Variants in DLGAP2 observed in about 807,000 individuals in gnomAD.
DLGAP2 encodes the protein DLG associated protein 2.
A neutral mutation model predicts 100.3 loss-of-function variants in DLGAP2; 26 were observed. That is an observed-to-expected ratio of 0.26 (90% CI 0.19 to 0.36). The LOEUF (loss-of-function observed/expected upper bound fraction) is 0.36, where lower values mean the gene tolerates loss of function less well. Ranked by LOEUF, DLGAP2 falls within the 10% of genes least tolerant of loss-of-function variation. The probability of loss-of-function intolerance (pLI) is 1.00; values close to 1 mark genes in which losing one functional copy is unlikely to be tolerated. For missense variants in DLGAP2, 1,858 were observed against 1,453.2 expected, an observed-to-expected ratio of 1.28 and a Z score of -4.53; for synonymous variants, 886 against 630.1, an observed-to-expected ratio of 1.41 and a Z score of -6.08.
intron 3 of DLGAP2, among the ~76,000 whole-genome samples, chr8:1,282,371 A>G (rs1422258514): frequency 4.6e-5 from 6 of 131,806 alleles, no homozygotes; most frequent in Non-Finnish European, 9.6e-5. Context: ...TGTGACCTGA[A>G]CCCAGCACCT....
chr8:1,024,361 CG>C, intron 2 of DLGAP2, among the ~76,000 whole-genome samples: 1 of 149,218 alleles, frequency 6.7e-6, no homozygotes, highest in Admixed American at 6.6e-5. Flanking sequence ...AGTCCCGTGC[CG>C]AGGCAGACAC....
At chr8:1,422,740 C>T (rs916627001) in intron 3 of DLGAP2, among the ~76,000 whole-genome samples, 1 of 149,580 alleles carries the variant, frequency 6.7e-6, no homozygotes, top group African/African-American at 2.4e-5. Flanking sequence ...TGAGACCAGC[C>T]AGGATTGGGG....
At chr8:1,588,307 A>G (rs1002566684) in intron 6 of DLGAP2, among the ~76,000 whole-genome samples, 1 of 152,192 alleles carries the variant, frequency 6.6e-6, no homozygotes, top group Non-Finnish European at 1.5e-5. Context: ...TGAAGAGAAC[A>G]GAGCAAAAAA....
intron 3 of DLGAP2, among the ~76,000 whole-genome samples, chr8:1,442,681 C>G (rs924042527): frequency 6.7e-6 from 1 of 148,322 alleles, no homozygotes; most frequent in African/African-American, 2.5e-5. Context: ...ACCCGCCAGG[C>G]TGCTGTGGGT....
At chr8:1,284,967 A>G (rs779854160) in intron 3 of DLGAP2, among the ~76,000 whole-genome samples, 7 of 152,226 alleles carry the variant, frequency 4.6e-5, no homozygotes, top group African/African-American at 9.6e-5. Flanking sequence ...TTAGGGCTCA[A>G]AGCCAGCAAA....
chr8:1,190,295 C>T (rs796793931), intron 2 of DLGAP2, among the ~76,000 whole-genome samples: 3 of 152,340 alleles, frequency 2.0e-5, no homozygotes, highest in African/African-American at 7.2e-5. Flanking sequence ...ACGTGCCCTC[C>T]ATCTCCTCTG....
intron 6 of DLGAP2, among the ~76,000 whole-genome samples, chr8:1,603,722 C>T (rs1368398076): frequency 6.6e-6 from 1 of 152,084 alleles, no homozygotes; most frequent in Non-Finnish European, 1.5e-5. Flanking sequence ...GCATCCAGCT[C>T]ATAGTAGTTG....
chr8:745,969 G>A (rs1318977025), intron 1 of DLGAP2, among the ~76,000 whole-genome samples: 4 of 152,164 alleles, frequency 2.6e-5, no homozygotes, highest in East Asian at 3.9e-4. Context: ...ATGGGGGTCC[G>A]CACCACCCCT....
At chr8:1,160,526 C>G (rs558980264) in intron 2 of DLGAP2, among the ~76,000 whole-genome samples, 3 of 152,166 alleles carry the variant, frequency 2.0e-5, no homozygotes, top group African/African-American at 7.2e-5. Flanking sequence ...AGGACGTGGT[C>G]CACGTGTTTT....
chr8:1,381,608 C>T (rs1037275355), intron 3 of DLGAP2, among the ~76,000 whole-genome samples: 1 of 152,192 alleles, frequency 6.6e-6, no homozygotes, highest in African/African-American at 2.4e-5. Flanking sequence ...GGCGCCCACT[C>T]TTCTACTCTG....
intron 2 of DLGAP2, among the ~76,000 whole-genome samples, chr8:1,153,700 A>T (rs904729960): frequency 1.3e-5 from 2 of 152,220 alleles, no homozygotes; most frequent in African/African-American, 4.8e-5. Context: ...CTTTTCCTGC[A>T]TTGCCAGACC....
intron 2 of DLGAP2, among the ~76,000 whole-genome samples, chr8:1,181,628 C>G (rs1563235876): frequency 6.6e-6 from 1 of 152,050 alleles, no homozygotes; most frequent in Non-Finnish European, 1.5e-5. Flanking sequence ...ATACAATAAG[C>G]CCCCACGACC....
chr8:782,008 A>C (rs911885677), intron 1 of DLGAP2, among the ~76,000 whole-genome samples: 1 of 152,204 alleles, frequency 6.6e-6, no homozygotes, highest in Non-Finnish European at 1.5e-5. Flanking sequence ...GTGTTCAATC[A>C]ACCAGCAGGA....
At chr8:1,655,838 C>T (rs561852029) in intron 8 of DLGAP2, among the ~76,000 whole-genome samples, 1 of 152,308 alleles carries the variant, frequency 6.6e-6, no homozygotes, top group Admixed American at 6.5e-5. Flanking sequence ...GAACTATGTC[C>T]AGACATGGCC....
chr8:1,447,621 C>T (rs1214572360), intron 3 of DLGAP2, among the ~76,000 whole-genome samples: 8 of 152,142 alleles, frequency 5.3e-5, no homozygotes, highest in Non-Finnish European at 8.8e-5. Context: ...TGTGAGGATT[C>T]CATCTTTTTC....
At chr8:1,197,087 C>T (rs562046079) in intron 2 of DLGAP2, among the ~76,000 whole-genome samples, 1 of 152,130 alleles carries the variant, frequency 6.6e-6, no homozygotes, top group Non-Finnish European at 1.5e-5. Context: ...CCTTTCTCCA[C>T]CTTTTTGTTC....
intron 2 of DLGAP2, among the ~76,000 whole-genome samples, chr8:913,863 A>G (rs555192563): frequency 6.6e-6 from 1 of 152,184 alleles, no homozygotes; most frequent in Non-Finnish European, 1.5e-5. Flanking sequence ...TGGACCGGGA[A>G]CCCTGACGTG....
At chr8:804,856 C>T (rs1371565236) in intron 1 of DLGAP2, among the ~76,000 whole-genome samples, 3 of 152,106 alleles carry the variant, frequency 2.0e-5, no homozygotes, top group Admixed American at 2.0e-4. Context: ...GCCTCGGCCT[C>T]CTGGGCTTAA....
At chr8:751,097 A>C (rs1785811878) in intron 1 of DLGAP2, among the ~76,000 whole-genome samples, 1 of 120,222 alleles carries the variant, frequency 8.3e-6, no homozygotes, top group African/African-American at 3.3e-5. Context: ...ATTTTCCTGG[A>C]TCTCCGGCCA....
Sources: allele counts gnomAD v4.1 joint callset (sites outside exome capture counted in the v4.1 genomes callset), GRCh38; gene constraint gnomAD v4.1.1; transcripts MANE v1.5; gene names NCBI Gene and HGNC (gene_info 2026-07-23, HGNC 2026-07-21).